RAPH1: variants seen among roughly 807,000 people sequenced by gnomAD.
The protein encoded by RAPH1 is ras-associated and pleckstrin homology domains-containing protein 1.
Under a neutral mutation model 88.1 loss-of-function variants are expected in RAPH1, and 18 were observed. The observed-to-expected ratio is 0.20, with a 90% confidence interval of 0.14 to 0.30. RAPH1 has a LOEUF of 0.30. Ranked by LOEUF, RAPH1 falls within the 10% of genes least tolerant of loss-of-function variation. The pLI, the probability that RAPH1 is intolerant of heterozygous loss-of-function variation, is 1.00. For missense variants in RAPH1, 1,448 were observed against 1,543.2 expected, an observed-to-expected ratio of 0.94 and a Z score of 1.03; for synonymous variants, 587 against 559.0, an observed-to-expected ratio of 1.05 and a Z score of -0.71.
chr2:203,512,622 T>G (rs370198537), intron 1 of RAPH1, among the ~76,000 whole-genome samples: 1 of 102,520 alleles, frequency 9.8e-6, no homozygotes, highest in Non-Finnish European at 1.8e-5. Flanking sequence ...ATCCCTTACC[T>G]TTTTTTTTTT....
intron 4 of RAPH1, among the ~76,000 whole-genome samples, chr2:203,467,095 A>G (rs1215216300): frequency 6.6e-6 from 1 of 152,234 alleles, no homozygotes; most frequent in Non-Finnish European, 1.5e-5. Flanking sequence ...TTGGAAAGAT[A>G]TAAACAGCTT....
At chr2:203,510,013 A>G (rs1403387409) in intron 1 of RAPH1, among the ~76,000 whole-genome samples, 1 of 152,124 alleles carries the variant, frequency 6.6e-6, no homozygotes, top group African/African-American at 2.4e-5. Flanking sequence ...ACCATGAGCC[A>G]ATTAAACCTC....
At chr2:203,531,278 A>G (rs1487649741) in intron 1 of RAPH1, among the ~76,000 whole-genome samples, 1 of 152,116 alleles carries the variant, frequency 6.6e-6, no homozygotes, top group Non-Finnish European at 1.5e-5. Context: ...TGGGGGAGGG[A>G]TAGCACTAGG....
intron 1 of RAPH1, among the ~76,000 whole-genome samples, chr2:203,517,359 C>CAAAAAAAAAAAAAAAAA (rs71408943): frequency 1.2e-3 from 37 of 32,126 alleles, no homozygotes; most frequent in East Asian, 2.2e-3. Context: ...CTATGAGAGG[C>CAAAAAAAAAAAAAAAAA]AAAAAAAAAA....
At chr2:203,504,989 T>C (rs1172931124) in intron 1 of RAPH1, among the ~76,000 whole-genome samples, 2 of 152,326 alleles carry the variant, frequency 1.3e-5, no homozygotes, top group African/African-American at 4.8e-5. Context: ...TTATTGTTCA[T>C]ATCACTATCA....
In RAPH1 at chr2:203,523,318, G is replaced by A. The variant is rs375161858; in HGVS notation, c.-1+11793C>T. ...TGAGGCAGGAGAATGGCGTGAATAC[G>A]GGGGGCGGAGCTTGCAGTGAGCTGA... On this transcript the variant is annotated intron_variant, in intron 1 of 13. Transcript: ENST00000319170. Among the ~76,000 whole-genome samples, 24 of 151,770 alleles carry A rather than the reference G, an allele frequency of 1.6e-4. 1 individual carries two copies. The South Asian group carries it at 2.3e-3, about 14-fold the overall frequency.
At chr2:203,514,283 A>G (rs1689496149) in intron 1 of RAPH1, among the ~76,000 whole-genome samples, 1 of 152,226 alleles carries the variant, frequency 6.6e-6, no homozygotes, top group African/African-American at 2.4e-5. Flanking sequence ...GCTCTGCCCT[A>G]GTTCAAATGA....
chr2:203,506,866 A>ATCTATATATCTATATATATATATC lies in RAPH1; in HGVS notation c.1-11514_1-11513insGATATATATATATAGATATATAGA, dbSNP rs1553630572. On this transcript the variant is annotated intron_variant, in intron 1 of 13. Transcript: ENST00000319170. ...TATATCTATCTATATCTATATATAT[A>ATCTATATATCTATATATATATATC]TATATATATATATAGATATATATAT... Among the ~76,000 whole-genome samples, 5 of 90,662 alleles carry ATCTATATATCTATATATATATATC rather than the reference A, an allele frequency of 5.5e-5. 1 individual carries two copies. The highest frequency in any genetic ancestry group is 2.7e-4 in the African/African-American group (5 of 18,198). The allele number at this position is 90,662 out of a possible 152,430, so 59.5% of individuals were successfully genotyped here.
At chr2:203,449,332 C>G (rs971789057) in intron 10 of RAPH1, among the ~76,000 whole-genome samples, 1 of 152,186 alleles carries the variant, frequency 6.6e-6, no homozygotes, top group South Asian at 2.1e-4. Flanking sequence ...GCACCTGGGA[C>G]AAGAATCTAC....
At chr2:203,504,740 T>C (rs1688903060) in intron 1 of RAPH1, among the ~76,000 whole-genome samples, 1 of 152,198 alleles carries the variant, frequency 6.6e-6, no homozygotes, top group African/African-American at 2.4e-5. Flanking sequence ...TTTTATGCTG[T>C]TTCTCCTTTA....
chr2:203,503,993 G>A (rs1417515389), intron 1 of RAPH1, among the ~76,000 whole-genome samples: 1 of 152,204 alleles, frequency 6.6e-6, no homozygotes, highest in Non-Finnish European at 1.5e-5. Context: ...GTCTTGGGCA[G>A]CTCTGCCCCT....
intron 4 of RAPH1, among the ~76,000 whole-genome samples, chr2:203,481,003 GA>G (rs1687698069): frequency 6.6e-6 from 1 of 152,142 alleles, no homozygotes; most frequent in African/African-American, 2.4e-5. Flanking sequence ...CGAAGAGTGG[GA>G]ACCTGCCAGC....
intron 1 of RAPH1, among the ~76,000 whole-genome samples, chr2:203,506,883 T>G (rs28589743): frequency 3.7e-4 from 39 of 104,806 alleles, no homozygotes; most frequent in South Asian, 5.4e-4. Flanking sequence ...TATATATAGA[T>G]ATATATATAT....
rs78291298 is a variant in RAPH1, at chr2:203,447,984, C to T, written c.1608G>A (p.Ser536=). ...WTSLSSSSIK[S]GSSSSSIPES... is the part of the protein sequence containing the mutation. ...CTGGGATGCTGGAAGAACTGGATCCCGATTTAATGCTGGAGCTGGATAAGG... is the reference window on the plus strand; with the variant it reads ...CTGGGATGCTGGAAGAACTGGATCCTGATTTAATGCTGGAGCTGGATAAGG... Residue 536 remains serine, a synonymous_variant, in exon 12 of 14, where the codon TCG becomes TCA. Transcript: ENST00000319170. 6.8e-4 allele frequency: 1,101 copies of T among 1,613,850 alleles called. 8 individuals are homozygous for T. In the African/African-American group the frequency reaches 0.012, roughly 18 times the overall value.
chr2:203,454,763 A>G (rs1457489748), intron 9 of RAPH1, among the ~76,000 whole-genome samples: 1 of 152,240 alleles, frequency 6.6e-6, no homozygotes, highest in Non-Finnish European at 1.5e-5. Context: ...GTCATTCACA[A>G]TGAACACTAA....
intron 4 of RAPH1, among the ~76,000 whole-genome samples, chr2:203,473,803 T>G (rs2098535151): frequency 1.3e-5 from 2 of 152,228 alleles, no homozygotes; most frequent in South Asian, 2.1e-4. Flanking sequence ...ATTTACCAAC[T>G]ATAGACACAA....
rs1488690019 is a variant in RAPH1, at chr2:203,441,168, C to A, written c.2022G>T (p.Gln674His). 1 of 1,611,788 alleles carries A rather than the reference C, an allele frequency of 6.2e-7. No homozygotes were observed. Reference protein sequence around the residue: ...FVKYSTITRLQNASQHSGALF... With the variant: ...FVKYSTITRLHNASQHSGALF... ...GGGCCCCTGAATGCTGAGACGCATT[C>A]TGTAGCCGTGTTATTGTGCTGTACT... The change falls in exon 14 of 14, where the codon CAG becomes CAT. Residue 674 changes from glutamine (Q) to histidine (H), a missense_variant. Gln to His is a conservative substitution (Grantham distance 24). Coordinates refer to ENST00000319170, the MANE Select transcript of RAPH1 (RefSeq NM_213589.3).
chr2:203,490,821 T>A (rs1234977994), intron 3 of RAPH1, among the ~76,000 whole-genome samples: 2 of 151,992 alleles, frequency 1.3e-5, no homozygotes, highest in Non-Finnish European at 2.9e-5. Flanking sequence ...GGCAGGTGGA[T>A]CACCTGAGGT....
intron 10 of RAPH1, 45 bp downstream of exon 10, chr2:203,454,385 A>C: frequency 7.9e-7 from 1 of 1,270,286 alleles, no homozygotes; most frequent in South Asian, 1.3e-5. Context: ...AACCTGCTCT[A>C]TGTCTAACAT....
Sources: gnomAD v4.1 joint callset for allele counts (sites outside exome capture counted in the v4.1 genomes callset) on GRCh38, gnomAD v4.1.1 for gene constraint, MANE v1.5 for transcripts, NCBI Gene and HGNC (gene_info 2026-07-23, HGNC 2026-07-21) for gene names.